CABP1: variants seen among roughly 807,000 people sequenced by gnomAD.
CABP1 encodes calcium-binding protein 1.
Under a neutral mutation model 34.3 loss-of-function variants are expected in CABP1, and 17 were observed. The ratio of observed to expected loss-of-function variants is 0.50; its 90% CI spans 0.34 to 0.74. The LOEUF (loss-of-function observed/expected upper bound fraction) is 0.74, where lower values mean the gene tolerates loss of function less well. Among genes scored for constraint, CABP1 ranks in the 30% least tolerant of loss-of-function variants. CABP1 has a pLI of 0.01. For missense variants in CABP1, 373 were observed against 511.1 expected (o/e 0.73, Z 2.61); for synonymous variants, 198 against 229.2 (o/e 0.86, Z 1.23).
the CABP1 span, among the ~76,000 whole-genome samples, chr12:120,673,974 G>C: frequency 2.0e-5 from 3 of 152,258 alleles, no homozygotes; most frequent in African/African-American, 7.2e-5. Flanking sequence ...TTGAGCCCAG[G>C]AGTTTGAGAC....
downstream of CABP1, among the ~76,000 whole-genome samples, chr12:120,672,246 G>C (rs2137387795): frequency 6.6e-6 from 1 of 152,266 alleles, no homozygotes; most frequent in African/African-American, 2.4e-5. Context: ...TGTACCATGA[G>C]GAGGACATCA....
intron 1 of CABP1, among the ~76,000 whole-genome samples, chr12:120,649,570 T>G (rs1236617501): frequency 6.6e-6 from 1 of 152,170 alleles, no homozygotes. Flanking sequence ...AAAGGGCTTC[T>G]TCTCTGCCCG....
intron 1 of CABP1, among the ~76,000 whole-genome samples, chr12:120,650,959 GA>G (rs1879810201): frequency 6.6e-6 from 1 of 152,148 alleles, no homozygotes; most frequent in South Asian, 2.1e-4. Flanking sequence ...GATGTAAAAT[GA>G]AAAGGGTGGA....
Position 120,661,401 on chromosome 12 carries a change from C to G in CABP1, c.1087+183C>G. 1.6e-6 allele frequency: 1 copy of G among 607,222 alleles called. No homozygotes were observed. The highest frequency in any genetic ancestry group is 2.9e-6 in the Non-Finnish European group (1 of 350,354). 37.6% of individuals were successfully genotyped at this position (607,222 alleles called of 1,614,324 possible). Reference sequence around the variant, plus strand: ...CATCTCCCATCCCTTCCCCATGCATCTATTCATGCATCTGTCCATCCATCT... The same window carrying G: ...CATCTCCCATCCCTTCCCCATGCATGTATTCATGCATCTGTCCATCCATCT... On this transcript the variant is annotated intron_variant, in intron 5 of 5. Transcript: ENST00000316803. This position sits in a 1 kb window ranked among gnomAD's most constrained non-coding sequence, Gnocchi z 5.1.
chr12:120,659,064 G>A (rs1880446073), intron 1 of CABP1: 1 of 152,220 alleles, frequency 6.6e-6, no homozygotes. Context: ...ATTCAGGGTT[G>A]CCTTGATTGC....
chr12:120,655,022 A>G (rs529867140), intron 1 of CABP1, among the ~76,000 whole-genome samples: 4 of 152,332 alleles, frequency 2.6e-5, no homozygotes, highest in Admixed American at 1.3e-4. Flanking sequence ...TCTTGAAATC[A>G]CAAACTGGGT....
chr12:120,670,182 G>A (rs1190063880), downstream of CABP1, among the ~76,000 whole-genome samples: 2 of 152,050 alleles, frequency 1.3e-5, no homozygotes, highest in Non-Finnish European at 2.9e-5. Context: ...TTTTTGTAGA[G>A]ACAGGGTCTC....
At chr12:120,664,383 C>T (rs188875156) in intron 5 of CABP1, among the ~76,000 whole-genome samples, 1 of 152,268 alleles carries the variant, frequency 6.6e-6, no homozygotes, top group Non-Finnish European at 1.5e-5. Context: ...TGGGAAGAGC[C>T]ACCAGGTGAG....
At chr12:120,662,245 C>T (rs1880696543) in intron 5 of CABP1, 1 of 152,390 alleles carries the variant, frequency 6.6e-6, no homozygotes, top group Non-Finnish European at 1.5e-5. Flanking sequence ...ACCTCCCCAG[C>T]CACAACTCAA....
chr12:120,667,007 G>T lies in CABP1; in HGVS notation c.*107G>T, dbSNP rs1327648814. On this transcript the variant is annotated 3_prime_UTR_variant, in exon 6 of 6. Coordinates refer to ENST00000316803, the MANE Select transcript of CABP1 (RefSeq NM_001033677.2). Reference sequence around the variant, plus strand: ...CGCCGAGAGCCCAGGATGTACTGGCGGATGGGGCCTGCCTGCACCCCGGGG... The same window carrying T: ...CGCCGAGAGCCCAGGATGTACTGGCTGATGGGGCCTGCCTGCACCCCGGGG... 4 of 1,390,496 alleles carry T rather than the reference G, an allele frequency of 2.9e-6. No individual in the cohort carries two copies. The highest frequency in any genetic ancestry group is 1.2e-5 in the South Asian group (1 of 80,906). 86.1% of individuals were successfully genotyped at this position (1,390,496 alleles called of 1,614,324 possible).
At position 120,660,590 on chromosome 12, in the gene CABP1, G is replaced by A; in HGVS notation, c.830-141G>A. On this transcript the variant is annotated intron_variant, in intron 3 of 5. Transcript: ENST00000316803. The surrounding 1 kb of genome is among the most constrained non-coding windows in gnomAD (Gnocchi z 5.0). ...CAATAACTGGCTCACAGGAAGAACTGAACAGAGGGCTCTTGTTATTATTAA... is the reference window on the plus strand; with the variant it reads ...CAATAACTGGCTCACAGGAAGAACTAAACAGAGGGCTCTTGTTATTATTAA... 9 of 745,022 alleles carry A rather than the reference G, an allele frequency of 1.2e-5. No homozygotes were observed. The highest frequency in any genetic ancestry group is 2.1e-5 in the Non-Finnish European group (9 of 423,318). 46.2% of individuals were successfully genotyped at this position (745,022 alleles called of 1,614,324 possible).
At chr12:120,643,010 A>AAAAAAAAAAAC (rs1879408530) in intron 1 of CABP1, among the ~76,000 whole-genome samples, 1 of 151,616 alleles carries the variant, frequency 6.6e-6, no homozygotes, top group Non-Finnish European at 1.5e-5. Context: ...AAAAAAAAAA[A>AAAAAAAAAAAC]AAGAGTCCTT....
chr12:120,656,851 C>A (rs537435217), intron 1 of CABP1, among the ~76,000 whole-genome samples: 4 of 152,088 alleles, frequency 2.6e-5, no homozygotes, highest in Non-Finnish European at 1.5e-5. Context: ...GCCAAGGTCG[C>A]GCCATGGCAC....
At chr12:120,666,634 T>C (rs1881008058) in intron 5 of CABP1, among the ~76,000 whole-genome samples, 1 of 152,018 alleles carries the variant, frequency 6.6e-6, no homozygotes, top group African/African-American at 2.4e-5. Context: ...GGGAGGGCCA[T>C]GAGGCTGTGT....
chr12:120,672,601 C>CA, the CABP1 span, among the ~76,000 whole-genome samples: 304 of 99,086 alleles, frequency 3.1e-3, 1 homozygote, highest in East Asian at 4.6e-3. Flanking sequence ...CATTGCACTC[C>CA]AAAAAAAAAA....
At chr12:120,680,673 A>C in the CABP1 span, among the ~76,000 whole-genome samples, 1 of 152,166 alleles carries the variant, frequency 6.6e-6, no homozygotes, top group Non-Finnish European at 1.5e-5. Context: ...CTCAGACTCC[A>C]TGCCTTCTGC....
chr12:120,640,744 G>A lies in CABP1; in HGVS notation c.59G>A (p.Arg20His). ...CCGGGGGACGGCGCCCGCCTCCAGC[G>A]CGTCCTCGGGCTTGGCTCCCGCCGG... The part of the protein sequence containing the change: ...KRPGDGARLQ[R>H]VLGLGSRREP... Residue 20 changes from arginine to histidine, a missense_variant, in exon 1 of 6, where the codon CGC becomes CAC. Arg to His is a conservative substitution (Grantham distance 29). Coordinates refer to ENST00000316803, the MANE Select transcript of CABP1 (RefSeq NM_001033677.2). The surrounding 1 kb of genome is among the most constrained non-coding windows in gnomAD (Gnocchi z 6.2). The A allele has an allele frequency of 1.7e-6, 2 of 1,178,178 alleles. No individual in the cohort carries two copies. The highest frequency in any genetic ancestry group is 1.0e-6 in the Non-Finnish European group (1 of 953,922). 73.0% of individuals were successfully genotyped at this position (1,178,178 alleles called of 1,614,324 possible). A position where few individuals can be genotyped will look rare whatever the true frequency, so the allele number is the denominator to read the frequency against.
At chr12:120,655,118 C>T (rs1880094921) in intron 1 of CABP1, among the ~76,000 whole-genome samples, 1 of 152,168 alleles carries the variant, frequency 6.6e-6, no homozygotes, top group Non-Finnish European at 1.5e-5. Flanking sequence ...TTAAGTAGTG[C>T]TACCTCTTCA....
At chr12:120,672,149 C>A (rs142836396), downstream of CABP1, among the ~76,000 whole-genome samples, 67 of 152,206 alleles carry the variant, frequency 4.4e-4, no homozygotes, top group African/African-American at 1.5e-3. Context: ...CCTGGGGTTG[C>A]TGAAGGGATC....
Sources: allele counts gnomAD v4.1 joint callset (sites outside exome capture counted in the v4.1 genomes callset), GRCh38; gene constraint gnomAD v4.1.1; non-coding constraint Gnocchi (gnomAD v3.1); transcripts MANE v1.5; gene names NCBI Gene and HGNC (gene_info 2026-07-23, HGNC 2026-07-21).